The following MAP3K13 variants were observed in gnomAD, a reference collection of about 807,000 sequenced individuals.
The protein encoded by MAP3K13 is leucine zipper-bearing kinase.
In MAP3K13, 52 loss-of-function variants were observed where a neutral mutation model predicts 104.0. That is an observed-to-expected ratio of 0.50 (90% CI 0.40 to 0.63). MAP3K13 has a LOEUF of 0.63. MAP3K13 is among the 20% of genes least tolerant of loss of function. The pLI, the probability that MAP3K13 is intolerant of heterozygous loss-of-function variation, is 0.00. For missense variants in MAP3K13, 914 were observed against 1,218.5 expected (o/e 0.75, Z 3.72); for synonymous variants, 394 against 442.2 (o/e 0.89, Z 1.37).
At chr3:185,309,532 A>G (rs1428603800) in intron 2 of MAP3K13, among the ~76,000 whole-genome samples, 8 of 148,840 alleles carry the variant, frequency 5.4e-5, no homozygotes, top group African/African-American at 1.2e-4. Context: ...AAAAAAAAAG[A>G]AAGAAAAAAG....
At chr3:185,444,199 G>T (rs1465039867) in intron 4 of MAP3K13, among the ~76,000 whole-genome samples, 1 of 152,098 alleles carries the variant, frequency 6.6e-6, no homozygotes, top group Admixed American at 6.5e-5. Context: ...AGCCAGGCAT[G>T]GTAGCAGGTG....
At chr3:185,438,371 C>T (rs943281176) in intron 3 of MAP3K13, among the ~76,000 whole-genome samples, 1 of 151,996 alleles carries the variant, frequency 6.6e-6, no homozygotes, top group Non-Finnish European at 1.5e-5. Flanking sequence ...ACAATCAATC[C>T]TTGTGTAGTA....
chr3:185,416,993 T>C (rs1269619532), intron 1 of MAP3K13, among the ~76,000 whole-genome samples: 2 of 152,102 alleles, frequency 1.3e-5, no homozygotes, highest in African/African-American at 4.8e-5. Flanking sequence ...ATAATAATTT[T>C]TAAACCATTT....
intron 2 of MAP3K13, among the ~76,000 whole-genome samples, chr3:185,343,067 C>G (rs1193741719): frequency 6.6e-6 from 1 of 152,162 alleles, no homozygotes; most frequent in African/African-American, 2.4e-5. Context: ...GCGGGGTTCC[C>G]CAACATGGCC....
At chr3:185,330,026 C>T (rs1206465867) in intron 2 of MAP3K13, among the ~76,000 whole-genome samples, 3 of 144,064 alleles carry the variant, frequency 2.1e-5, no homozygotes, top group African/African-American at 7.8e-5. Flanking sequence ...ATTATAGGCG[C>T]CCGCCACCAT....
In MAP3K13 at chr3:185,473,832, C is replaced by G; in HGVS notation, c.2430+71C>G. The G allele has an allele frequency of 1.4e-6, 2 of 1,388,296 alleles. No homozygotes were observed. Among genetic ancestry groups the G allele is most frequent in the Non-Finnish European group, 2.0e-6 (2 of 1,023,308 alleles). The allele number at this position is 1,388,296 out of a possible 1,614,324, so 86.0% of individuals were successfully genotyped here. On this transcript the variant is annotated intron_variant, in intron 11 of 13. Transcript: ENST00000265026. The surrounding 1 kb of genome is among the most constrained non-coding windows in gnomAD (Gnocchi z 4.9). ...ATGCCAGAGCCTGTCATGTTATACACATTAGAGAGCATATGTAAAAAGTAT... is the reference window on the plus strand; with the variant it reads ...ATGCCAGAGCCTGTCATGTTATACAGATTAGAGAGCATATGTAAAAAGTAT...
rs1347221912 is a variant in MAP3K13 at position 185,363,182 on chromosome 3, A to G, written c.-272A>G. The G allele has an allele frequency of 2.0e-6, 2 of 984,864 alleles. No homozygotes were observed. Among genetic ancestry groups the G allele is most frequent in the African/African-American group, 3.5e-5 (2 of 57,036 alleles). The allele number at this position is 984,864 out of a possible 1,614,324, so 61.0% of individuals were successfully genotyped here. A position where few individuals can be genotyped will look rare whatever the true frequency, so the allele number is the denominator to read the frequency against. On this transcript the variant is annotated 5_prime_UTR_variant, in exon 1 of 14. Coordinates refer to ENST00000265026, the MANE Select transcript of MAP3K13 (RefSeq NM_004721.5). Reference sequence around the variant, plus strand: ...TCTGTGCGGAATCCTAAACCAGCCCAATTTACATCCATTCATGAATCTGTG... The same window carrying G: ...TCTGTGCGGAATCCTAAACCAGCCCGATTTACATCCATTCATGAATCTGTG...
chr3:185,435,336 C>T (rs1446800910), intron 2 of MAP3K13, among the ~76,000 whole-genome samples: 1 of 151,962 alleles, frequency 6.6e-6, no homozygotes, highest in African/African-American at 2.4e-5. Context: ...GTCACTGGAC[C>T]CCTAATGAGG....
At position 185,482,377 on chromosome 3, in the gene MAP3K13, C is replaced by T. The variant is rs779071892; in HGVS notation, c.2822C>T (p.Ser941Leu). Residue 941 changes from serine to leucine, a missense_variant, in exon 14 of 14, where the codon TCG becomes TTG. This residue lies in a region of MAP3K13 where 583 missense variants were observed against 737.4 expected (regional missense o/e 0.79). Transcript: ENST00000265026. The surrounding 1 kb of genome is among the most constrained non-coding windows in gnomAD (Gnocchi z 4.5). ...CAGAACCCCATGCAGTTTGAAGAAT[C>T]GGACTGTGACTCTTCAGATGGGGAG... ...GYENPMQFEE[S>L]DCDSSDGECS... is the part of the protein sequence containing the mutation. 54 of 1,613,906 alleles carry T rather than the reference C, an allele frequency of 3.3e-5. No individual in the cohort carries two copies. The highest frequency in any genetic ancestry group is 5.0e-5 in the Admixed American group (3 of 60,014).
At chr3:185,387,047 A>G (rs1158658459) in intron 1 of MAP3K13, among the ~76,000 whole-genome samples, 4 of 152,222 alleles carry the variant, frequency 2.6e-5, no homozygotes, top group South Asian at 2.1e-4. Context: ...CTGCACATGT[A>G]TCTCTGAACT....
chr3:185,360,175 G>A (rs1198600784), upstream of MAP3K13, among the ~76,000 whole-genome samples: 1 of 152,108 alleles, frequency 6.6e-6, no homozygotes, highest in Non-Finnish European at 1.5e-5. Context: ...ATGCCCATGT[G>A]CTGCAATTAA....
rs145082235 is a variant in MAP3K13 at position 185,329,746 on chromosome 3, T to C, written c.-86+44103T>C. On this transcript the variant is annotated intron_variant, in intron 2 of 14. Coordinates refer to the MAP3K13 transcript ENST00000424227. ...TACACAAACATATTGACTTTATTAA[T>C]GCAGCCATGAGAATGTTAAGGTCGC... 9.2e-3 allele frequency among the ~76,000 whole-genome samples: 1,398 copies of C among 152,308 alleles called. 26 individuals are homozygous for C. Among genetic ancestry groups the C allele is most frequent in the African/African-American group, 0.032 (1,313 of 41,568 alleles).
chr3:185,476,858 C>A (rs1295392533), intron 11 of MAP3K13, among the ~76,000 whole-genome samples: 1 of 152,096 alleles, frequency 6.6e-6, no homozygotes, highest in Admixed American at 6.6e-5. Context: ...TCAAAAATGT[C>A]TATCTAACTA....
intron 1 of MAP3K13, among the ~76,000 whole-genome samples, chr3:185,365,817 A>T (rs560808332): frequency 6.9e-6 from 1 of 144,104 alleles, no homozygotes; most frequent in South Asian, 2.3e-4. Flanking sequence ...TACCTGTGGA[A>T]CCTTTTTCCC....
chr3:185,353,488 G>A (rs547271479), intron 2 of MAP3K13, among the ~76,000 whole-genome samples: 9 of 152,264 alleles, frequency 5.9e-5, no homozygotes, highest in Middle Eastern at 3.4e-3. Context: ...TGTGGGCTAC[G>A]GTCGGTTTAC....
intron 1 of MAP3K13, among the ~76,000 whole-genome samples, chr3:185,406,982 A>G (rs764484850): frequency 2.8e-4 from 42 of 152,318 alleles, no homozygotes; most frequent in Middle Eastern, 6.8e-3. Context: ...GTATATTCTC[A>G]CAACATTTTT....
chr3:185,294,939 C>T (rs938802796), intron 2 of MAP3K13, among the ~76,000 whole-genome samples: 3 of 152,178 alleles, frequency 2.0e-5, no homozygotes, highest in South Asian at 2.1e-4. Flanking sequence ...TTATCATCTT[C>T]GCCTACATTT....
intron 2 of MAP3K13, among the ~76,000 whole-genome samples, chr3:185,310,580 T>TA (rs199673639): frequency 1.3e-5 from 2 of 151,662 alleles, no homozygotes; most frequent in African/African-American, 2.4e-5. Flanking sequence ...CACACTAAAA[T>TA]AAAAAAACAT....
rs1317794463 is a variant in MAP3K13, at chr3:185,423,483, T to C, written c.-85-5014T>C. 6.6e-6 allele frequency among the ~76,000 whole-genome samples: 1 copy of C among 152,030 alleles called. No individual in the cohort carries two copies. Among genetic ancestry groups the C allele is most frequent in the Non-Finnish European group, 1.5e-5 (1 of 68,002 alleles). On this transcript the variant is annotated intron_variant, in intron 1 of 13. Transcript: ENST00000265026. The surrounding 1 kb of genome is among the most constrained non-coding windows in gnomAD (Gnocchi z 4.1). ...TTGTGGCAGGTGATCAGCCAGAAAG[T>C]ATAATGAGGAGATCAGTAATGTCAA...
Sources: allele counts gnomAD v4.1 joint callset (sites outside exome capture counted in the v4.1 genomes callset), GRCh38; gene constraint gnomAD v4.1.1; regional missense constraint gnomAD v4.1.1; non-coding constraint Gnocchi (gnomAD v3.1); transcripts MANE v1.5; gene names NCBI Gene and HGNC (gene_info 2026-07-23, HGNC 2026-07-21).